CFAP299: variants seen among roughly 807,000 people sequenced by gnomAD.
The protein encoded by CFAP299 is cilia- and flagella-associated protein 299.
In CFAP299, 21 loss-of-function variants were observed where a neutral mutation model predicts 27.0. The ratio of observed to expected loss-of-function variants is 0.78; its 90% confidence interval spans 0.55 to 1.12. The LOEUF is 1.12. Ranked by LOEUF, CFAP299 falls within the 50% of genes most tolerant of loss-of-function variation. CFAP299 has a pLI of 0.00. For synonymous variants in CFAP299, 104 were observed against 98.1 expected (o/e 1.06, Z -0.36); for missense variants, 310 against 276.6 (o/e 1.12, Z -0.86).
At chr4:80,873,567 T>A (rs1733220490) in intron 4 of CFAP299, among the ~76,000 whole-genome samples, 1 of 152,196 alleles carries the variant, frequency 6.6e-6, no homozygotes, top group Admixed American at 6.5e-5. Flanking sequence ...GCATTATTCT[T>A]ACCATCAGAG....
intron 4 of CFAP299, among the ~76,000 whole-genome samples, chr4:80,875,513 A>T (rs1733325621): frequency 6.6e-6 from 1 of 152,060 alleles, no homozygotes; most frequent in Non-Finnish European, 1.5e-5. Context: ...TACAAAAAAA[A>T]ATTAGCTGGC....
intron 4 of CFAP299, among the ~76,000 whole-genome samples, chr4:80,883,533 C>G (rs1477455074): frequency 6.6e-6 from 1 of 151,922 alleles, no homozygotes; most frequent in Non-Finnish European, 1.5e-5. Context: ...TGCCTACAAA[C>G]GACTCAGTTT....
chr4:80,733,399 A>G (rs1723652047), intron 3 of CFAP299, among the ~76,000 whole-genome samples: 1 of 152,138 alleles, frequency 6.6e-6, no homozygotes, highest in Non-Finnish European at 1.5e-5. Flanking sequence ...TGCAATGCAT[A>G]ATAATCATAT....
At chr4:80,558,680 G>GA (rs905031744) in intron 2 of CFAP299, among the ~76,000 whole-genome samples, 232 of 144,696 alleles carry the variant, frequency 1.6e-3, no homozygotes, top group African/African-American at 4.4e-3. Context: ...CAGAGCATTG[G>GA]AAAAAAAAAA....
chr4:80,325,616 T>A, the CFAP299 span, among the ~76,000 whole-genome samples: 7 of 152,228 alleles, frequency 4.6e-5, no homozygotes, highest in Non-Finnish European at 1.0e-4. Flanking sequence ...CATCCTTGGT[T>A]CCAAATTAGC....
chr4:80,796,111 C>G, intron 3 of CFAP299, among the ~76,000 whole-genome samples: 1 of 152,158 alleles, frequency 6.6e-6, no homozygotes, highest in East Asian at 1.9e-4. Context: ...GCCAGAGTAA[C>G]ACACCCAAAT....
chr4:80,483,218 A>C (rs960840722), intron 2 of CFAP299, among the ~76,000 whole-genome samples: 17 of 152,222 alleles, frequency 1.1e-4, no homozygotes, highest in Admixed American at 6.6e-5. Context: ...GCCACATGCC[A>C]CGGAATGCTG....
intron 2 of CFAP299, chr4:80,387,533 C>A: frequency 3.4e-6 from 3 of 884,868 alleles, no homozygotes; most frequent in Admixed American, 3.6e-5. Context: ...AGGGGCTGGC[C>A]CAACCCTGTG....
intron 4 of CFAP299, among the ~76,000 whole-genome samples, chr4:80,898,041 G>A (rs1220850810): frequency 2.0e-5 from 3 of 152,092 alleles, no homozygotes; most frequent in African/African-American, 7.2e-5. Flanking sequence ...GTCCAGTGGG[G>A]TGCCCAGAAC....
At chr4:80,658,048 G>A (rs1209786152) in intron 3 of CFAP299, among the ~76,000 whole-genome samples, 2 of 152,086 alleles carry the variant, frequency 1.3e-5, no homozygotes, top group South Asian at 2.1e-4. Flanking sequence ...TTATTGGTGT[G>A]TAGCAATGCT....
intron 2 of CFAP299, among the ~76,000 whole-genome samples, chr4:80,514,332 T>A (rs1732471107): frequency 6.6e-6 from 1 of 152,082 alleles, no homozygotes; most frequent in Non-Finnish European, 1.5e-5. Flanking sequence ...CAGATTTTAA[T>A]AAAACTTAAG....
At position 80,629,518 on chromosome 4, in the gene CFAP299, AGTCT is replaced by A. The variant is rs201798634; in HGVS notation, c.333+46342_333+46345del. 5.3e-3 allele frequency among the ~76,000 whole-genome samples: 808 copies of A among 152,284 alleles called. 3 individuals are homozygous for A. Among genetic ancestry groups the A allele is most frequent in the African/African-American group, 0.018 (768 of 41,566 alleles). Reference sequence around the variant, plus strand: ...ATATGAGGGAATACATATGCTAGTCAGTCTGTCTGTATATATATTTCAAATACTG... The same window carrying A: ...ATATGAGGGAATACATATGCTAGTCAGTCTGTATATATATTTCAAATACTG... On this transcript the variant is annotated intron_variant, in intron 3 of 5. Coordinates refer to ENST00000358105, the MANE Select transcript of CFAP299 (RefSeq NM_152770.3).
At chr4:80,907,303 C>A (rs2088185) in intron 4 of CFAP299, among the ~76,000 whole-genome samples, 34,128 of 152,100 alleles carry the variant, frequency 0.22, 7,762 homozygotes, top group African/African-American at 0.58. Flanking sequence ...AGTCTCCAGG[C>A]AGTTGCAAAC....
At chr4:80,800,763 G>GTATA (rs1438042749) in intron 3 of CFAP299, among the ~76,000 whole-genome samples, 6 of 130,790 alleles carry the variant, frequency 4.6e-5, no homozygotes, top group African/African-American at 1.8e-4. Context: ...GTGTGTGTGT[G>GTATA]TGTGTATATA....
chr4:80,864,494 A>T (rs148010754), intron 3 of CFAP299, among the ~76,000 whole-genome samples: 1 of 147,534 alleles, frequency 6.8e-6, no homozygotes, highest in African/African-American at 2.5e-5. Flanking sequence ...ATATACACAT[A>T]TATATACATA....
At chr4:80,331,934 A>G (rs1364023827), upstream of CFAP299, among the ~76,000 whole-genome samples, 1 of 152,200 alleles carries the variant, frequency 6.6e-6, no homozygotes, top group East Asian at 1.9e-4. Flanking sequence ...CCAATCTTTT[A>G]AAAGCTAGGT....
chr4:80,947,045 G>A (rs898568611), intron 5 of CFAP299, among the ~76,000 whole-genome samples: 3 of 152,182 alleles, frequency 2.0e-5, no homozygotes, highest in Non-Finnish European at 2.9e-5. Context: ...AGTTTTTACA[G>A]TCTTTGGGGA....
chr4:80,852,245 G>C (rs1258939023), intron 3 of CFAP299, among the ~76,000 whole-genome samples: 1 of 152,150 alleles, frequency 6.6e-6, no homozygotes, highest in Non-Finnish European at 1.5e-5. Context: ...TTGATCAGCA[G>C]AATCAGCGTC....
intron 2 of CFAP299, among the ~76,000 whole-genome samples, chr4:80,510,174 T>C (rs984567096): frequency 4.6e-5 from 7 of 152,182 alleles, no homozygotes; most frequent in African/African-American, 1.4e-4. Flanking sequence ...CTCTTTGTTA[T>C]TATGCTTTTT....
Sources: allele counts gnomAD v4.1 joint callset (sites outside exome capture counted in the v4.1 genomes callset), GRCh38; gene constraint gnomAD v4.1.1; transcripts MANE v1.5; gene names NCBI Gene and HGNC (gene_info 2026-07-23, HGNC 2026-07-21).